Variants in CSMD3 observed in about 807,000 individuals in gnomAD.
CSMD3 encodes the protein CUB and Sushi multiple domains 3, also known as CUB and sushi domain-containing protein 3.
CSMD3 carries 177 observed loss-of-function variants against 435.2 expected under a neutral mutation model. That is an observed-to-expected ratio of 0.41 (90% confidence interval 0.36 to 0.46). The LOEUF is 0.46. CSMD3 is among the 20% of genes least tolerant of loss of function. CSMD3 has a pLI of 0.34. For synonymous variants in CSMD3, 1,656 were observed against 1,520.5 expected (o/e 1.09, Z -2.07); for missense variants, 4,265 against 4,504.6 (o/e 0.95, Z 1.52).
At chr8:112,279,124 A>G (rs1276083722) in intron 59 of CSMD3, among the ~76,000 whole-genome samples, 5 of 152,196 alleles carry the variant, frequency 3.3e-5, no homozygotes, top group African/African-American at 9.6e-5. Flanking sequence ...TCAATTGAAA[A>G]TACAAATTTT....
intron 20 of CSMD3, among the ~76,000 whole-genome samples, chr8:112,642,114 A>G (rs988346306): frequency 6.6e-6 from 1 of 152,132 alleles, no homozygotes. Context: ...CTTGTACTTA[A>G]AGTCAAAATA....
chr8:113,398,274 A>G (rs1324654880), intron 1 of CSMD3, among the ~76,000 whole-genome samples: 4 of 152,152 alleles, frequency 2.6e-5, no homozygotes, highest in Non-Finnish European at 5.9e-5. Context: ...TGGATATCCA[A>G]TTGTCCCAAA....
intron 3 of CSMD3, among the ~76,000 whole-genome samples, chr8:113,269,167 C>T (rs927398079): frequency 6.6e-6 from 1 of 151,430 alleles, no homozygotes; most frequent in Non-Finnish European, 1.5e-5. Context: ...TATGATTTGC[C>T]TCTGTGTTCC....
chr8:113,367,187 T>A (rs1456173795), intron 1 of CSMD3, among the ~76,000 whole-genome samples: 1 of 151,890 alleles, frequency 6.6e-6, no homozygotes, highest in Non-Finnish European at 1.5e-5. Flanking sequence ...ACTTATGCTA[T>A]CAAATTTCCA....
chr8:113,378,006 C>T (rs1364022898), intron 1 of CSMD3, among the ~76,000 whole-genome samples: 1 of 152,040 alleles, frequency 6.6e-6, no homozygotes, highest in Non-Finnish European at 1.5e-5. Context: ...ACAATAAATA[C>T]ACAAATAAAT....
chr8:112,311,794 G>GTA (rs1038422301), intron 49 of CSMD3, among the ~76,000 whole-genome samples: 17 of 152,100 alleles, frequency 1.1e-4, no homozygotes, highest in Non-Finnish European at 2.9e-5. Context: ...TTTTTCATAT[G>GTA]TACTTTTGAG....
chr8:112,529,777 G>A (rs796129000), intron 27 of CSMD3, among the ~76,000 whole-genome samples: 4 of 151,854 alleles, frequency 2.6e-5, no homozygotes, highest in African/African-American at 9.7e-5. Flanking sequence ...GAGCATCAAG[G>A]AAAATTAAGA....
intron 10 of CSMD3, among the ~76,000 whole-genome samples, chr8:112,893,277 A>G (rs2081854476): frequency 6.6e-6 from 1 of 151,436 alleles, no homozygotes. Flanking sequence ...GTTAGATTCA[A>G]TGTACAGCAA....
At chr8:113,424,706 A>G (rs946379056) in intron 1 of CSMD3, among the ~76,000 whole-genome samples, 2 of 151,582 alleles carry the variant, frequency 1.3e-5, no homozygotes, top group African/African-American at 4.8e-5. Context: ...AGTTAATATC[A>G]GTTGGCTGAA....
intron 1 of CSMD3, among the ~76,000 whole-genome samples, chr8:113,317,484 G>A (rs75983378): frequency 1.9e-3 from 286 of 152,182 alleles, no homozygotes; most frequent in South Asian, 9.5e-3. Context: ...CATGGATTTC[G>A]AGTACTTTTA....
chr8:112,605,621 A>C (rs898141565), intron 22 of CSMD3, among the ~76,000 whole-genome samples: 45 of 138,926 alleles, frequency 3.2e-4, no homozygotes, highest in African/African-American at 1.1e-3. Flanking sequence ...CACAAAGTGA[A>C]GGGTGGGAGG....
At chr8:112,282,905 T>C (rs906755275) in intron 58 of CSMD3, among the ~76,000 whole-genome samples, 2 of 152,028 alleles carry the variant, frequency 1.3e-5, no homozygotes, top group African/African-American at 4.8e-5. Context: ...AACCAAACCA[T>C]CTCTTCTCAC....
intron 10 of CSMD3, among the ~76,000 whole-genome samples, chr8:112,903,818 T>G (rs559367874): frequency 6.6e-6 from 1 of 151,310 alleles, no homozygotes; most frequent in Non-Finnish European, 1.5e-5. Flanking sequence ...CTCTAGATAT[T>G]TTTTCTACCT....
intron 13 of CSMD3, among the ~76,000 whole-genome samples, chr8:112,727,009 T>A (rs1328363373): frequency 6.6e-6 from 1 of 151,830 alleles, no homozygotes. Flanking sequence ...CAAAAATGAC[T>A]ATGCTTCTTA....
chr8:112,517,538 G>C (rs933022283), intron 27 of CSMD3, among the ~76,000 whole-genome samples: 1 of 151,892 alleles, frequency 6.6e-6, no homozygotes, highest in South Asian at 2.1e-4. Flanking sequence ...AGGACTTGTA[G>C]CTAGAATATA....
chr8:112,363,174 A>C (rs1380015851), intron 38 of CSMD3, among the ~76,000 whole-genome samples: 1 of 151,926 alleles, frequency 6.6e-6, no homozygotes, highest in Non-Finnish European at 1.5e-5. Flanking sequence ...CACCTATAAA[A>C]TGGGATGAGT....
intron 59 of CSMD3, among the ~76,000 whole-genome samples, chr8:112,268,536 A>G (rs892303554): frequency 3.3e-5 from 5 of 152,318 alleles, no homozygotes; most frequent in Non-Finnish European, 7.4e-5. Context: ...TTTTTATTCA[A>G]TATCTAATGG....
chr8:112,980,696 G>A lies in CSMD3; in HGVS notation c.1031-4548C>T, dbSNP rs146857116. Among the ~76,000 whole-genome samples, 1,020 of 151,390 alleles carry A rather than the reference G, an allele frequency of 6.7e-3. 11 individuals carry two copies. The highest frequency in any genetic ancestry group is 0.023 in the African/African-American group (965 of 41,434). On this transcript the variant is annotated intron_variant, in intron 6 of 70. Coordinates refer to ENST00000297405, the MANE Select transcript of CSMD3 (RefSeq NM_198123.2). ...CACACCAATAAATGAGGACACTTGC[G>A]AACTAATTGAATACGAGGGTATGAA...
rs2130837035 is a variant in CSMD3 at position 112,314,518 on chromosome 8, C to T, written c.7460G>A (p.Ser2487Asn). 1 of 1,611,404 alleles carries T rather than the reference C, an allele frequency of 6.2e-7. No homozygotes were observed. The highest frequency in any genetic ancestry group is 8.5e-7 in the Non-Finnish European group (1 of 1,177,690). The change falls in exon 48 of 71, where the codon AGC (serine) becomes AAC (asparagine). Residue 2487 changes from serine to asparagine, a missense_variant. Ser to Asn is a conservative substitution (Grantham distance 46). Transcript: ENST00000297405. ...SYPNLQMCAWSISVEKGYNIT... is the reference protein window; with the variant it reads ...SYPNLQMCAWNISVEKGYNIT... The stretch of plus-strand genomic sequence containing the variant: ...ATTATAACCCTTTTCCACTGAAATG[C>T]TCCATGCACACATTTGAAGATTTGG...
Sources: allele counts gnomAD v4.1 joint callset (sites outside exome capture counted in the v4.1 genomes callset), GRCh38; gene constraint gnomAD v4.1.1; transcripts MANE v1.5; gene names NCBI Gene and HGNC (gene_info 2026-07-23, HGNC 2026-07-21).